PRDM2: variants seen among roughly 807,000 people sequenced by gnomAD.
PRDM2 encodes PR/SET domain 2.
In PRDM2, 30 loss-of-function variants were observed where a neutral mutation model predicts 130.0. The ratio of observed to expected loss-of-function variants is 0.23; its 90% CI spans 0.17 to 0.31. The LOEUF is 0.31. PRDM2 is among the 10% of genes least tolerant of loss of function. The pLI is 1.00. For synonymous variants in PRDM2, 871 were observed against 782.4 expected (o/e 1.11, Z -1.89); for missense variants, 2,011 against 2,108.4 (o/e 0.95, Z 0.90).
chr1:13,797,292 C>T (rs1366573745), intron 8 of PRDM2, among the ~76,000 whole-genome samples: 1 of 152,170 alleles, frequency 6.6e-6, no homozygotes, highest in Non-Finnish European at 1.5e-5. Flanking sequence ...CTCTTACTGT[C>T]TTCATTCTTA....
rs896517191 is a variant in PRDM2 at position 13,780,787 on chromosome 1, C to T, written c.2992C>T (p.Pro998Ser). 4.4e-6 allele frequency: 7 copies of T among 1,582,718 alleles called. No individual in the cohort carries two copies. Among genetic ancestry groups the T allele is most frequent in the African/African-American group, 1.4e-5 (1 of 73,656 alleles). The part of the protein sequence containing the change: ...PLLPTVPLPA[P>S]SSSASPHPCP... Reference sequence around the variant, plus strand: ...CCTTCCTACCGTACCTCTTCCAGCCCCCTCTTCCAGTGCATCTCCACACCC... The same window carrying T: ...CCTTCCTACCGTACCTCTTCCAGCCTCCTCTTCCAGTGCATCTCCACACCC... The change falls in exon 8 of 10, where the codon CCC (proline) becomes TCC (serine). Residue 998 changes from proline (P) to serine (S), a missense_variant. Physicochemically the swap from Pro to Ser is moderately conservative, Grantham distance 74. This residue lies in a region of PRDM2 where 1,288 missense variants were observed against 1,237.7 expected (regional missense o/e 1.04). Coordinates refer to ENST00000311066, the MANE Select transcript of PRDM2 (RefSeq NM_001393986.1).
At position 13,731,137 on chromosome 1, in the gene PRDM2, C is replaced by T. The variant is rs773421418; in HGVS notation, c.127+20C>T. On this transcript the variant is annotated intron_variant, in intron 3 of 9. Coordinates refer to ENST00000311066, the MANE Select transcript of PRDM2 (RefSeq NM_001393986.1). ...GGATTGGTGAGTGCTCCTCCTGTCA[C>T]GGAGCAAGTCAGGCAGTAAAGAGCA... 32 of 1,589,126 alleles carry T rather than the reference C, an allele frequency of 2.0e-5. No homozygotes were observed. Among genetic ancestry groups the T allele is most frequent in the Non-Finnish European group, 2.6e-5 (30 of 1,159,356 alleles).
At chr1:13,715,681 C>A in intron 2 of PRDM2, 67 bp downstream of exon 2, 1 of 1,373,000 alleles carries the variant, frequency 7.3e-7, no homozygotes. Context: ...TTGATTTTTA[C>A]AAGATAGTAG....
At chr1:13,747,175 A>G (rs1370380997) in intron 5 of PRDM2, among the ~76,000 whole-genome samples, 2 of 152,238 alleles carry the variant, frequency 1.3e-5, no homozygotes, top group African/African-American at 4.8e-5. Context: ...TTCTCTGGTT[A>G]TACCATTTCA....
At chr1:13,749,524 C>A in intron 6 of PRDM2, 37 bp downstream of exon 6, 1 of 1,251,728 alleles carries the variant, frequency 8.0e-7, no homozygotes, top group Non-Finnish European at 1.0e-6. Context: ...GGCCCCGGCG[C>A]CACGCCCGCC....
At chr1:13,790,831 TC>T (rs1309051954) in intron 8 of PRDM2, among the ~76,000 whole-genome samples, 2 of 151,896 alleles carry the variant, frequency 1.3e-5, no homozygotes, top group Non-Finnish European at 2.9e-5. Context: ...ACTTCCTCCC[TC>T]CCCCCCTTCT....
At chr1:13,701,857 T>C (rs1306088050) in intron 1 of PRDM2, among the ~76,000 whole-genome samples, 1 of 152,222 alleles carries the variant, frequency 6.6e-6, no homozygotes, top group Non-Finnish European at 1.5e-5. Context: ...GCTCAGTAAA[T>C]GTTTGCTTTT....
chr1:13,716,105 G>A (rs1305552529), intron 2 of PRDM2, among the ~76,000 whole-genome samples: 4 of 151,950 alleles, frequency 2.6e-5, no homozygotes, highest in Non-Finnish European at 5.9e-5. Flanking sequence ...ATACACCATG[G>A]AATACTATGC....
At chr1:13,739,079 C>G (rs544188345) in intron 4 of PRDM2, 1 of 149,994 alleles carries the variant, frequency 6.7e-6, no homozygotes, top group African/African-American at 2.5e-5. Context: ...CAGAGTCTTG[C>G]TCTGTCGCCC....
At chr1:13,810,299 C>T (rs1024071587) in intron 8 of PRDM2, among the ~76,000 whole-genome samples, 6 of 152,294 alleles carry the variant, frequency 3.9e-5, no homozygotes, top group African/African-American at 9.6e-5. Flanking sequence ...CCTCCTTTCC[C>T]GCTTCCAGGG....
At chr1:13,783,193 A>C (rs761232224) in intron 8 of PRDM2, 4 of 524,068 alleles carry the variant, frequency 7.6e-6, no homozygotes, top group Non-Finnish European at 1.1e-5. Flanking sequence ...TTCCGATCAT[A>C]GAACATTTCT....
intron 8 of PRDM2, among the ~76,000 whole-genome samples, chr1:13,807,009 T>G (rs1645095972): frequency 6.6e-6 from 1 of 152,164 alleles, no homozygotes. Flanking sequence ...TGTCTTCTCC[T>G]CCACTCTGAC....
At chr1:13,725,501 G>A (rs1016976649) in intron 2 of PRDM2, among the ~76,000 whole-genome samples, 7 of 152,230 alleles carry the variant, frequency 4.6e-5, no homozygotes, top group African/African-American at 1.7e-4. Flanking sequence ...CACTGCGCCC[G>A]GCCCAAGTCC....
intron 8 of PRDM2, among the ~76,000 whole-genome samples, chr1:13,793,598 C>A (rs981365676): frequency 1.3e-5 from 2 of 152,138 alleles, no homozygotes; most frequent in African/African-American, 4.8e-5. Flanking sequence ...GTGGTTCTAT[C>A]CTTTGGTGAG....
At chr1:13,798,338 C>T (rs1050802062) in intron 8 of PRDM2, among the ~76,000 whole-genome samples, 6 of 152,080 alleles carry the variant, frequency 3.9e-5, no homozygotes, top group Non-Finnish European at 7.4e-5. Context: ...AAAGAATGTC[C>T]GTTCATAGGT....
intron 7 of PRDM2, among the ~76,000 whole-genome samples, chr1:13,774,978 A>G (rs920267970): frequency 6.6e-6 from 1 of 152,024 alleles, no homozygotes; most frequent in Non-Finnish European, 1.5e-5. Context: ...AAAAAAAAAA[A>G]AAAAAGAAAA....
chr1:13,780,961 T>G lies in PRDM2; in HGVS notation c.3166T>G (p.Ser1056Ala). 1.2e-6 allele frequency: 2 copies of G among 1,605,646 alleles called. No homozygotes were observed. The highest frequency in any genetic ancestry group is 1.7e-6 in the Non-Finnish European group (2 of 1,172,602). Residue 1056 changes from serine (S) to alanine (A), a missense_variant, in exon 8 of 10, where the codon TCT becomes GCT. Coordinates refer to ENST00000311066, the MANE Select transcript of PRDM2 (RefSeq NM_001393986.1). ...GCCTCCAACACTTTCTTCTTCCTCC[T>G]CTTCATCTTCCTCCTCCTCTTCGTT... ...PGPPTLSSSS[S>A]SSSSSSSFSS...
chr1:13,750,797 T>C (rs970551656), intron 6 of PRDM2, among the ~76,000 whole-genome samples: 1 of 152,162 alleles, frequency 6.6e-6, no homozygotes. Context: ...TTTTAACTTT[T>C]AACTGAGTTC....
chr1:13,774,742 C>A (rs563037629), intron 7 of PRDM2, among the ~76,000 whole-genome samples: 5 of 151,964 alleles, frequency 3.3e-5, no homozygotes, highest in Admixed American at 3.3e-4. Context: ...TTTGGGAGGC[C>A]GAGGCGGGTG....
Sources: gnomAD v4.1 joint callset for allele counts (sites outside exome capture counted in the v4.1 genomes callset) on GRCh38, gnomAD v4.1.1 for gene constraint, gnomAD v4.1.1 regional missense constraint, MANE v1.5 for transcripts, NCBI Gene and HGNC (gene_info 2026-07-23, HGNC 2026-07-21) for gene names.